SNX29: variants seen among roughly 807,000 people sequenced by gnomAD.
SNX29 encodes sorting nexin-29.
A neutral mutation model predicts 102.1 loss-of-function variants in SNX29; 78 were observed. That is an observed-to-expected ratio of 0.76 (90% CI 0.64 to 0.92). The LOEUF (loss-of-function observed/expected upper bound fraction) is 0.92. SNX29 is among the 40% of genes least tolerant of loss of function. The probability of loss-of-function intolerance (pLI) is 0.00; values close to 1 mark genes in which losing one functional copy is unlikely to be tolerated. For missense variants in SNX29, 1,280 were observed against 1,061.7 expected, an observed-to-expected ratio of 1.21 and a Z score of -2.86; for synonymous variants, 580 against 414.5, an observed-to-expected ratio of 1.40 and a Z score of -4.85.
Position 12,572,253 on chromosome 16 carries a change from A to G in SNX29, c.*3624A>G. 9.5e-7 allele frequency: 1 copy of G among 1,053,922 alleles called. No homozygotes were observed. The highest frequency in any genetic ancestry group is 1.2e-6 in the Non-Finnish European group (1 of 869,556). The allele number at this position is 1,053,922 out of a possible 1,614,324, so 65.3% of individuals were successfully genotyped here. On this transcript the variant is annotated 3_prime_UTR_variant, in exon 21 of 21. Coordinates refer to ENST00000566228, the MANE Select transcript of SNX29 (RefSeq NM_032167.5). ...AGTCGTTTACACCAGGTGGATTGAT[A>G]CCATGGCTGTAGCTGATGCAACTAA...
chr16:12,534,405 C>A (rs2077014703), intron 20 of SNX29, among the ~76,000 whole-genome samples: 1 of 152,206 alleles, frequency 6.6e-6, no homozygotes, highest in Non-Finnish European at 1.5e-5. Flanking sequence ...GCTTCTTGTC[C>A]TCTGTGTAGC....
chr16:12,521,442 C>CT (rs1198709112), intron 19 of SNX29, among the ~76,000 whole-genome samples: 1 of 151,964 alleles, frequency 6.6e-6, no homozygotes, highest in African/African-American at 2.4e-5. Flanking sequence ...ATGGAATTCT[C>CT]TAACCTTCAT....
Position 12,377,527 on chromosome 16 carries a change from C to G in SNX29, c.1900-20919C>G, listed in dbSNP as rs150508647. ...GTGGGGAGGGGCAGTCTCCCAGGCT[C>G]CTGGAAAGAGAGAGCATAGTTACTT... On this transcript the variant is annotated intron_variant, in intron 16 of 20. Transcript: ENST00000566228. Among the ~76,000 whole-genome samples the G allele has an allele frequency of 4.4e-3, 668 of 152,264 alleles. 6 individuals are homozygous for G. The highest frequency in any genetic ancestry group is 0.015 in the African/African-American group (603 of 41,534).
Position 12,078,768 on chromosome 16 carries a change from T to C in SNX29, c.1320-65T>C, listed in dbSNP as rs969550666. 1.3e-5 allele frequency: 18 copies of C among 1,396,890 alleles called. No homozygotes were observed. The African/African-American group carries it at 1.4e-4, about 11-fold the overall frequency. The allele number at this position is 1,396,890 out of a possible 1,614,324, so 86.5% of individuals were successfully genotyped here. A position where few individuals can be genotyped will look rare whatever the true frequency, so the allele number is the denominator to read the frequency against. On this transcript the variant is annotated intron_variant, in intron 10 of 20. Coordinates refer to ENST00000566228, the MANE Select transcript of SNX29 (RefSeq NM_032167.5). ...GAGTAAACCGACCTCTGCTAGTTTT[T>C]GGAATGGTGAGGGTGTGTACTTTCA...
At chr16:12,048,335 C>T (rs2050167693) in intron 6 of SNX29, 37 bp from the exon 7 acceptor site, 17 of 1,613,660 alleles carry the variant, frequency 1.1e-5, no homozygotes, top group Admixed American at 1.7e-5. Flanking sequence ...GACTGCCCAT[C>T]AGCAAGCACT....
In SNX29 at chr16:12,156,730, G is replaced by A. The variant is rs1408212766; in HGVS notation, c.1595+26972G>A. On this transcript the variant is annotated intron_variant, in intron 13 of 20. Coordinates refer to ENST00000566228, the MANE Select transcript of SNX29 (RefSeq NM_032167.5). ...GTCCTTAGCAAATGGCTGTCCAGCC[G>A]ACTTGGCCAAATGAATGAATTGATT... Among the ~76,000 whole-genome samples the A allele has an allele frequency of 2.0e-5, 3 of 152,232 alleles. 1 individual carries two copies. Among genetic ancestry groups the A allele is most frequent in the South Asian group, 4.1e-4 (2 of 4,832 alleles).
intron 19 of SNX29, among the ~76,000 whole-genome samples, chr16:12,494,087 A>G (rs1345896779): frequency 2.0e-5 from 3 of 152,156 alleles, no homozygotes; most frequent in African/African-American, 2.4e-5. Flanking sequence ...GTCTACAAAG[A>G]TAGAGCTCCC....
intron 14 of SNX29, among the ~76,000 whole-genome samples, chr16:12,267,133 C>T (rs1324027028): frequency 6.6e-6 from 1 of 152,072 alleles, no homozygotes; most frequent in Non-Finnish European, 1.5e-5. Context: ...GTGGAGAATC[C>T]ATTACCTGGG....
At chr16:12,377,141 CTA>C (rs1597141673) in intron 16 of SNX29, among the ~76,000 whole-genome samples, 1 of 152,198 alleles carries the variant, frequency 6.6e-6, no homozygotes, top group Non-Finnish European at 1.5e-5. Flanking sequence ...GCTGCAGTAA[CTA>C]TGTGGTTTCA....
Position 12,474,474 on chromosome 16 carries a change from G to A in SNX29, c.2038-3245G>A, listed in dbSNP as rs76942887. Reference sequence around the variant, plus strand: ...CATGTGTGTTCCGGGGAGAGGCAGGGCGTGGGCAGGAGAGGAGGTGCCCAT... The same window carrying A: ...CATGTGTGTTCCGGGGAGAGGCAGGACGTGGGCAGGAGAGGAGGTGCCCAT... On this transcript the variant is annotated intron_variant, in intron 18 of 20. Transcript: ENST00000566228. Among the ~76,000 whole-genome samples the A allele has an allele frequency of 2.4e-3, 367 of 152,282 alleles. 12 individuals are homozygous for A. The East Asian group carries it at 0.052, about 22-fold the overall frequency.
chr16:12,395,823 A>T (rs750260926), intron 16 of SNX29, among the ~76,000 whole-genome samples: 1 of 109,502 alleles, frequency 9.1e-6, no homozygotes, highest in Non-Finnish European at 2.1e-5. Flanking sequence ...TCAGCTCTCT[A>T]AAGGGCTGCT....
intron 13 of SNX29, among the ~76,000 whole-genome samples, chr16:12,150,854 G>T (rs949560278): frequency 6.6e-6 from 1 of 152,082 alleles, no homozygotes; most frequent in Non-Finnish European, 1.5e-5. Context: ...CAAGAGATAC[G>T]GTCATTTAAC....
At chr16:12,502,082 C>T (rs1003619239) in intron 19 of SNX29, among the ~76,000 whole-genome samples, 1 of 152,160 alleles carries the variant, frequency 6.6e-6, no homozygotes, top group African/African-American at 2.4e-5. Flanking sequence ...GCTTAGTGTC[C>T]AGGCTCAGGA....
chr16:12,555,833 G>T (rs1010804724), intron 20 of SNX29, among the ~76,000 whole-genome samples: 1 of 152,162 alleles, frequency 6.6e-6, no homozygotes, highest in Non-Finnish European at 1.5e-5. Flanking sequence ...CCAGCTGACT[G>T]ACCAACCCCC....
Position 12,568,619 on chromosome 16 carries a change from G to A in SNX29, c.2432G>A (p.Gly811Asp), listed in dbSNP as rs750798654. Residue 811 changes from glycine (G) to aspartate (D), a missense_variant, in exon 21 of 21, where the codon GGT (glycine) becomes GAT (aspartate). Transcript: ENST00000566228. Reference sequence around the variant, plus strand: ...ACCCGCAACGTGGAGCCCCAGAGCGGTGACCTCTGACCTCGACAAAACCGC... The same window carrying A: ...ACCCGCAACGTGGAGCCCCAGAGCGATGACCTCTGACCTCGACAAAACCGC... ...RETRNVEPQS[G>D]DL is the part of the protein sequence containing the mutation. 3.1e-6 allele frequency: 5 copies of A among 1,603,622 alleles called. No homozygotes were observed. The highest frequency in any genetic ancestry group is 1.7e-4 in the Middle Eastern group (1 of 6,060).
At chr16:12,308,335 C>T (rs2080411810) in intron 15 of SNX29, among the ~76,000 whole-genome samples, 1 of 152,216 alleles carries the variant, frequency 6.6e-6, no homozygotes, top group Non-Finnish European at 1.5e-5. Context: ...GTAATGTGAA[C>T]GTTTCCCTCA....
chr16:12,309,247 T>A (rs1259072970), intron 15 of SNX29, among the ~76,000 whole-genome samples: 1 of 152,220 alleles, frequency 6.6e-6, no homozygotes, highest in Admixed American at 6.5e-5. Flanking sequence ...GAACGCTGTG[T>A]TAGCCCATCC....
chr16:12,312,355 T>C (rs951092562), intron 15 of SNX29, among the ~76,000 whole-genome samples: 4 of 152,174 alleles, frequency 2.6e-5, no homozygotes, highest in Non-Finnish European at 5.9e-5. Flanking sequence ...AATAGACACT[T>C]AGCAGAGGTT....
intron 14 of SNX29, among the ~76,000 whole-genome samples, chr16:12,266,522 C>T (rs1483700058): frequency 1.3e-5 from 2 of 151,942 alleles, no homozygotes; most frequent in East Asian, 3.9e-4. Flanking sequence ...TAGGAGATTC[C>T]AAGGGACTTC....
Sources: gnomAD v4.1 joint callset for allele counts (sites outside exome capture counted in the v4.1 genomes callset) on GRCh38, gnomAD v4.1.1 for gene constraint, MANE v1.5 for transcripts, NCBI Gene and HGNC (gene_info 2026-07-23, HGNC 2026-07-21) for gene names.